The following LIMS1 variants were observed in gnomAD, a reference collection of about 807,000 sequenced individuals.
LIMS1 encodes the protein LIM and senescent cell antigen-like-containing domain protein 1.
In LIMS1, 18 loss-of-function variants were observed where a neutral mutation model predicts 44.1. The observed-to-expected ratio is 0.41, with a 90% confidence interval of 0.28 to 0.61. LIMS1 has a LOEUF of 0.61. Ranked by LOEUF, LIMS1 falls within the 20% of genes least tolerant of loss-of-function variation. The probability of loss-of-function intolerance (pLI) is 0.32; values close to 1 mark genes in which losing one functional copy is unlikely to be tolerated. For synonymous variants in LIMS1, 93 were observed against 149.1 expected (o/e 0.62, Z 2.74); for missense variants, 201 against 422.0 (o/e 0.48, Z 4.59).
At chr2:108,637,178 A>T (rs2148908969) in intron 1 of LIMS1, among the ~76,000 whole-genome samples, 1 of 146,976 alleles carries the variant, frequency 6.8e-6, no homozygotes, top group Non-Finnish European at 1.5e-5. Context: ...CCTGGTCAGT[A>T]TTTTCAAATG....
At chr2:108,617,103 C>G (rs1687971395) in intron 1 of LIMS1, among the ~76,000 whole-genome samples, 1 of 152,170 alleles carries the variant, frequency 6.6e-6, no homozygotes, top group Admixed American at 6.5e-5. Context: ...CCATTAGTAC[C>G]TAGTGTACTG....
At chr2:108,673,342 T>A in intron 5 of LIMS1, 3 of 424,922 alleles carry the variant, frequency 7.1e-6, no homozygotes, top group Non-Finnish European at 1.3e-5. Context: ...ATGCGTCTCC[T>A]GAGAATAAGA....
chr2:108,551,646 G>A (rs182880873), intron 1 of LIMS1, among the ~76,000 whole-genome samples: 3 of 139,688 alleles, frequency 2.1e-5, no homozygotes, highest in South Asian at 2.2e-4. Flanking sequence ...ATGTATATAT[G>A]TGTATATATA....
chr2:108,552,387 CTA>C (rs1015460983), intron 1 of LIMS1, among the ~76,000 whole-genome samples: 3 of 139,384 alleles, frequency 2.2e-5, no homozygotes, highest in Non-Finnish European at 4.6e-5. Flanking sequence ...ATATATGAAA[CTA>C]TATATACTAT....
intron 1 of LIMS1, among the ~76,000 whole-genome samples, chr2:108,632,605 C>G (rs890859485): frequency 6.6e-6 from 1 of 152,140 alleles, no homozygotes; most frequent in African/African-American, 2.4e-5. Flanking sequence ...TATTTGGGGC[C>G]AAATGAATGG....
chr2:108,615,619 C>T (rs826681), intron 1 of LIMS1, among the ~76,000 whole-genome samples: 25,650 of 152,060 alleles, frequency 0.17, 2,567 homozygotes, highest in African/African-American at 0.27. Flanking sequence ...TCCTCCACAC[C>T]CCAAAGGCCT....
At chr2:108,676,338 C>T (rs930061828) in intron 6 of LIMS1, among the ~76,000 whole-genome samples, 1 of 152,232 alleles carries the variant, frequency 6.6e-6, no homozygotes, top group African/African-American at 2.4e-5. Flanking sequence ...TATCCAGCAG[C>T]AGCTCCTCCT....
intron 8 of LIMS1, chr2:108,678,336 G>A (rs1351860951): frequency 1.0e-4 from 48 of 474,456 alleles, no homozygotes; most frequent in Non-Finnish European, 1.7e-4. Context: ...CTAGAACAAC[G>A]TTTATTAGGA....
chr2:108,663,158 A>C (rs1256390606), intron 2 of LIMS1, among the ~76,000 whole-genome samples: 1 of 151,848 alleles, frequency 6.6e-6, no homozygotes, highest in Non-Finnish European at 1.5e-5. Flanking sequence ...TTACCGTGTT[A>C]CCCAGGCTGG....
At chr2:108,626,673 G>A (rs1176958057) in intron 1 of LIMS1, among the ~76,000 whole-genome samples, 2 of 152,068 alleles carry the variant, frequency 1.3e-5, no homozygotes, top group Non-Finnish European at 2.9e-5. Context: ...TGGCCTAAAG[G>A]TACCTCTTTT....
Position 108,554,701 on chromosome 2 carries a change from A to G in LIMS1, c.32+20107A>G, listed in dbSNP as rs181603327. On this transcript the variant is annotated intron_variant, in intron 1 of 9. Transcript: ENST00000544547. ...GAGTGTGCTGGCCTCTAATGTTCAG[A>G]GCGCAGCTGGCAACCAGCCTGACAA... is the stretch of plus-strand genomic sequence containing the variant. 2.1e-3 allele frequency among the ~76,000 whole-genome samples: 318 copies of G among 152,228 alleles called. 3 individuals carry two copies. Among genetic ancestry groups the G allele is most frequent in the African/African-American group, 7.3e-3 (303 of 41,538 alleles).
intron 1 of LIMS1, among the ~76,000 whole-genome samples, chr2:108,656,687 T>C: frequency 6.9e-6 from 1 of 144,642 alleles, no homozygotes; most frequent in African/African-American, 2.5e-5. Flanking sequence ...CCTCTAAAAC[T>C]AGCGGATTTT....
intron 1 of LIMS1, among the ~76,000 whole-genome samples, chr2:108,634,481 C>T (rs750854594): frequency 3.9e-5 from 6 of 152,184 alleles, no homozygotes; most frequent in Non-Finnish European, 7.3e-5. Flanking sequence ...CAAAGAAGCT[C>T]ATACAGAACA....
chr2:108,587,164 C>T (rs992981249), intron 1 of LIMS1, among the ~76,000 whole-genome samples: 2 of 152,222 alleles, frequency 1.3e-5, no homozygotes, highest in Admixed American at 1.3e-4. Context: ...GCACTAAACC[C>T]TTCCCTGTAA....
intron 3 of LIMS1, 90 bp downstream of exon 3, chr2:108,670,937 G>A: frequency 1.0e-6 from 1 of 994,026 alleles, no homozygotes. Flanking sequence ...TTGGGAGGCG[G>A]AGGGAGGAGG....
chr2:108,645,598 A>G (rs1040027975), intron 1 of LIMS1, among the ~76,000 whole-genome samples: 1 of 152,174 alleles, frequency 6.6e-6, no homozygotes, highest in Admixed American at 6.5e-5. Context: ...ACGGGCCAAA[A>G]TAACAGCTAG....
intron 1 of LIMS1, among the ~76,000 whole-genome samples, chr2:108,610,150 G>GTGTGTA (rs924411522): frequency 2.1e-4 from 1 of 4,852 alleles, no homozygotes; most frequent in Non-Finnish European, 4.3e-4. Context: ...TACAAAAAAT[G>GTGTGTA]TGTGTGTGTG....
intron 1 of LIMS1, among the ~76,000 whole-genome samples, chr2:108,545,294 C>G (rs887073930): frequency 1.3e-5 from 2 of 152,174 alleles, no homozygotes; most frequent in African/African-American, 4.8e-5. Context: ...AGTGCAGTGG[C>G]TTGATGTCGG....
Position 108,536,279 on chromosome 2 carries a change from T to C in LIMS1, c.32+1685T>C, listed in dbSNP as rs76618363. ...TCATACATGTCCAGAAATCTTTATC[T>C]TACAAAACTGAAACTCTGTACCTAT... On this transcript the variant is annotated intron_variant, in intron 1 of 9. Coordinates refer to ENST00000544547, the Ensembl canonical transcript of LIMS1. 2.6e-4 allele frequency among the ~76,000 whole-genome samples: 39 copies of C among 152,352 alleles called. 1 individual carries two copies. The East Asian group carries it at 6.7e-3, about 26-fold the overall frequency.
Sources: gnomAD v4.1 joint callset for allele counts (sites outside exome capture counted in the v4.1 genomes callset) on GRCh38, gnomAD v4.1.1 for gene constraint, MANE v1.5 for transcripts, NCBI Gene and HGNC (gene_info 2026-07-23, HGNC 2026-07-21) for gene names.